Variants in RHCE observed in about 807,000 individuals in gnomAD.
The protein encoded by RHCE is Rh blood group CcEe antigens, also known as blood group Rh(CE) polypeptide.
Under a neutral mutation model 43.8 loss-of-function variants are expected in RHCE, and 22 were observed. That is an observed-to-expected ratio of 0.50 (90% confidence interval 0.36 to 0.72). RHCE has a LOEUF of 0.72. Among genes scored for constraint, RHCE ranks in the 30% least tolerant of loss-of-function variants. The pLI, the probability that RHCE is intolerant of heterozygous loss-of-function variation, is 0.00. For missense variants in RHCE, 385 were observed against 525.4 expected, an observed-to-expected ratio of 0.73 and a Z score of 2.61; for synonymous variants, 156 against 210.7, an observed-to-expected ratio of 0.74 and a Z score of 2.25.
chr1:25,371,577 T>C (rs1381532271), intron 8 of RHCE, among the ~76,000 whole-genome samples: 1 of 151,462 alleles, frequency 6.6e-6, no homozygotes, highest in Non-Finnish European at 1.5e-5. Context: ...TTAGCCATGT[T>C]GCCCAGGCTG....
In RHCE at chr1:25,385,801, A is replaced by G; in HGVS notation, c.983T>C (p.Met328Thr). ...ACCCAGCAAGCTGAAGATGGAGTGC[A>G]TGACGGAGATGTGGTGAATCCCCAG... Reference protein sequence around the residue: ...RVLGIHHISVMHSIFSLLGLL... With the variant: ...RVLGIHHISVTHSIFSLLGLL... Residue 328 changes from methionine (M) to threonine (T), a missense_variant, in exon 7 of 10, where the codon ATG becomes ACG. Transcript: ENST00000294413. The G allele has an allele frequency of 3.1e-6, 5 of 1,614,020 alleles. No individual in the cohort carries two copies. The highest frequency in any genetic ancestry group is 4.2e-6 in the Non-Finnish European group (5 of 1,180,014).
chr1:25,406,459 C>A (rs1167004522), intron 2 of RHCE, among the ~76,000 whole-genome samples: 1 of 118,042 alleles, frequency 8.5e-6, no homozygotes, highest in Non-Finnish European at 1.9e-5. Flanking sequence ...ATTACAGGTG[C>A]CTGCCACAAT....
At chr1:25,393,280 T>A (rs1027530684) in intron 3 of RHCE, among the ~76,000 whole-genome samples, 25 of 152,130 alleles carry the variant, frequency 1.6e-4, no homozygotes, top group Non-Finnish European at 3.5e-4. Flanking sequence ...TCCACCCTTG[T>A]CTTCCTGCGG....
At chr1:25,393,674 G>A (rs1646450359) in intron 3 of RHCE, among the ~76,000 whole-genome samples, 1 of 151,836 alleles carries the variant, frequency 6.6e-6, no homozygotes, top group African/African-American at 2.4e-5. Context: ...CTGCTCAGAA[G>A]CCTCCAGCGG....
intron 4 of RHCE, 100 bp downstream of exon 4, chr1:25,391,894 G>A: frequency 6.5e-6 from 10 of 1,542,304 alleles, no homozygotes; most frequent in Middle Eastern, 4.6e-4. Flanking sequence ...CAGACACCCA[G>A]GGGAAGTTGG....
intron 2 of RHCE, among the ~76,000 whole-genome samples, chr1:25,406,900 C>T (rs1646939934): frequency 8.3e-6 from 1 of 121,076 alleles, no homozygotes; most frequent in African/African-American, 2.5e-5. Flanking sequence ...GCTGGGATTA[C>T]AGGCATGAGC....
intron 7 of RHCE, among the ~76,000 whole-genome samples, chr1:25,381,247 C>T (rs558684459): frequency 2.0e-5 from 3 of 152,198 alleles, no homozygotes; most frequent in African/African-American, 7.2e-5. Context: ...AAAAGGATGA[C>T]CTTTGCTCCA....
intron 6 of RHCE, among the ~76,000 whole-genome samples, chr1:25,388,132 G>T (rs1646242042): frequency 6.7e-6 from 1 of 148,220 alleles, no homozygotes; most frequent in Admixed American, 6.8e-5. Context: ...AGGTTGGAAT[G>T]CACTCCCTGA....
At position 25,390,841 on chromosome 1, in the gene RHCE, C is replaced by T. The variant is rs748392144; in HGVS notation, c.709G>A (p.Ala237Thr). The change falls in exon 5 of 10, where the codon GCC becomes ACC. Residue 237 changes from alanine to threonine, a missense_variant. This residue lies in a region of RHCE where 56 missense variants were observed against 90.0 expected (regional missense o/e 0.62). Coordinates refer to ENST00000294413, the MANE Select transcript of RHCE (RefSeq NM_020485.8). ...LLRSPIQRKN[A>T]MFNTYYALAV... is the part of the protein sequence containing the mutation. ...AGAGCATAGTAGGTGTTGAACATGG[C>T]ATTCTTCCTTTGGATTGGACTTCTC... 8 of 1,614,112 alleles carry T rather than the reference C, an allele frequency of 5.0e-6. No homozygotes were observed. Among genetic ancestry groups the T allele is most frequent in the Non-Finnish European group, 6.8e-6 (8 of 1,180,042 alleles).
chr1:25,428,302 G>A (rs985601624), intron 2 of RHCE, among the ~76,000 whole-genome samples: 5 of 152,166 alleles, frequency 3.3e-5, no homozygotes, highest in African/African-American at 7.2e-5. Flanking sequence ...GCTGGAGCCC[G>A]GACTTTACCA....
At chr1:25,414,456 C>T (rs1418618819) in intron 1 of RHCE, among the ~76,000 whole-genome samples, 1 of 152,040 alleles carries the variant, frequency 6.6e-6, no homozygotes, top group Non-Finnish European at 1.5e-5. Context: ...CACCTCCTCG[C>T]CCACAGCCTC....
At chr1:25,412,973 G>A (rs1436002293) in intron 1 of RHCE, among the ~76,000 whole-genome samples, 2 of 152,064 alleles carry the variant, frequency 1.3e-5, no homozygotes, top group Non-Finnish European at 2.9e-5. Context: ...GCAGTGAGCC[G>A]AGATCGCACC....
At chr1:25,379,485 ATATATATATATTTTTTTTTTTTT>A (rs1417987326) in intron 7 of RHCE, among the ~76,000 whole-genome samples, 15 of 19,490 alleles carry the variant, frequency 7.7e-4, no homozygotes, top group African/African-American at 3.0e-3. Flanking sequence ...ATATATATAT[ATATATATATATTTTTTTTTTTTT>A]TTTTTTTTTT....
At position 25,362,569 on chromosome 1, in the gene RHCE, A is replaced by G; in HGVS notation, c.1228-16T>C. 6.5e-7 allele frequency: 1 copy of G among 1,543,360 alleles called. No individual in the cohort carries two copies. Among genetic ancestry groups the G allele is most frequent in the South Asian group, 1.1e-5 (1 of 88,604 alleles). ...AATGAGGAAACTGTAAAAGCAAAAC[A>G]AACATTTTTATTGCAGATGAACCCA... On this transcript the variant is annotated splice_polypyrimidine_tract_variant and intron_variant, in intron 9 of 9. Transcript: ENST00000294413.
intron 1 of RHCE, among the ~76,000 whole-genome samples, chr1:25,416,754 C>G (rs1440283023): frequency 2.0e-5 from 3 of 148,888 alleles, no homozygotes; most frequent in African/African-American, 7.5e-5. Flanking sequence ...GTAGCTGGGA[C>G]TACAGGCATG....
chr1:25,430,078 T>C (rs1258239069), exon 1 of RHCE: 1 of 151,778 alleles, frequency 6.6e-6, no homozygotes, highest in Non-Finnish European at 1.5e-5. Flanking sequence ...CGGAGGCCGA[T>C]GCTTCGCGGT....
chr1:25,385,493 G>C, intron 7 of RHCE: 1 of 691,918 alleles, frequency 1.4e-6, no homozygotes, highest in South Asian at 1.5e-5. Context: ...ATACCTAGGT[G>C]GTCCTATTTG....
intron 3 of RHCE, among the ~76,000 whole-genome samples, chr1:25,394,978 T>G (rs1384973119): frequency 6.7e-6 from 1 of 148,194 alleles, no homozygotes; most frequent in Non-Finnish European, 1.5e-5. Flanking sequence ...AAATCAGTGC[T>G]AAGCCCTCCT....
chr1:25,410,918 C>T (rs929946589), intron 1 of RHCE, among the ~76,000 whole-genome samples: 8 of 151,938 alleles, frequency 5.3e-5, no homozygotes, highest in South Asian at 2.1e-4. Flanking sequence ...GGTGAAACCC[C>T]GTCTCTACTA....
Sources: allele counts gnomAD v4.1 joint callset (sites outside exome capture counted in the v4.1 genomes callset), GRCh38; gene constraint gnomAD v4.1.1; regional missense constraint gnomAD v4.1.1; transcripts MANE v1.5; gene names NCBI Gene and HGNC (gene_info 2026-07-23, HGNC 2026-07-21).